Variants in DAB1 observed in about 807,000 individuals in gnomAD.
The protein encoded by DAB1 is disabled homolog 1.
A neutral mutation model predicts 64.6 loss-of-function variants in DAB1; 15 were observed. The ratio of observed to expected loss-of-function variants is 0.23; its 90% confidence interval spans 0.16 to 0.36. The LOEUF (loss-of-function observed/expected upper bound fraction) is 0.36, where lower values mean the gene tolerates loss of function less well. Ranked by LOEUF, DAB1 falls within the 10% of genes least tolerant of loss-of-function variation. The probability of loss-of-function intolerance (pLI) is 1.00; values close to 1 mark genes in which losing one functional copy is unlikely to be tolerated. For missense variants in DAB1, 596 were observed against 706.7 expected (o/e 0.84, Z 1.78); for synonymous variants, 235 against 251.9 (o/e 0.93, Z 0.64).
rs1553157877 is a variant in DAB1, at chr1:58,074,543, TAC to T, written n.387+75966_387+75967del. ...ATATACATATATATATATATATATA[TAC>T]ACACATATATATATGTGTGTATATA... On this transcript the variant is annotated intron_variant and non_coding_transcript_variant, in intron 5 of 20. Coordinates refer to the DAB1 transcript ENST00000485760. The T allele has an allele frequency of 6.9e-4, 66 of 95,874 alleles. No individual in the cohort carries two copies. The East Asian group carries it at 0.01, about 15-fold the overall frequency. 5.9% of individuals were successfully genotyped at this position (95,874 alleles called of 1,614,324 possible).
rs765477430 is a variant in DAB1, at chr1:57,291,007, T to C, written c.24A>G (p.Gln8=). MSTETEL[Q]VAVKTSAKKD... ...TCTTGGCGCTGGTTTTCACAGCTAC[T>C]TGAAGTTCTGTCTCAGTTGACATCC... is the stretch of plus-strand genomic sequence containing the variant. Residue 8 remains glutamine, a synonymous_variant, in exon 2 of 15, where the codon CAA becomes CAG. Coordinates refer to ENST00000371236, the MANE Select transcript of DAB1 (RefSeq NM_001365792.1). The C allele has an allele frequency of 1.2e-6, 2 of 1,612,320 alleles. No homozygotes were observed. Among genetic ancestry groups the C allele is most frequent in the African/African-American group, 1.3e-5 (1 of 74,958 alleles).
At chr1:57,778,271 C>A (rs968458272) in intron 6 of DAB1, among the ~76,000 whole-genome samples, 2 of 151,876 alleles carry the variant, frequency 1.3e-5, no homozygotes, top group African/African-American at 4.8e-5. Flanking sequence ...TGTCTGTACA[C>A]CAATTTCTTC....
At chr1:57,345,258 G>A (rs945164992) in intron 1 of DAB1, among the ~76,000 whole-genome samples, 8 of 152,276 alleles carry the variant, frequency 5.3e-5, no homozygotes, top group Middle Eastern at 6.8e-3. Flanking sequence ...GTGAGCCTGC[G>A]CTGATTGTGT....
chr1:57,693,736 G>A (rs932146953), intron 6 of DAB1, among the ~76,000 whole-genome samples: 8 of 152,084 alleles, frequency 5.3e-5, no homozygotes, highest in Non-Finnish European at 1.0e-4. Context: ...TGAAGTCAGC[G>A]AGACCACAAA....
chr1:57,897,159 C>T (rs1281499676), intron 5 of DAB1, among the ~76,000 whole-genome samples: 1 of 152,154 alleles, frequency 6.6e-6, no homozygotes, highest in African/African-American at 2.4e-5. Context: ...GCAGAGCACA[C>T]CGGCAGATCC....
chr1:58,394,878 T>C (rs1238672691), intron 3 of DAB1, among the ~76,000 whole-genome samples: 1 of 152,078 alleles, frequency 6.6e-6, no homozygotes, highest in Non-Finnish European at 1.5e-5. Flanking sequence ...GTATATAAAA[T>C]TGGTGAATTT....
At chr1:57,673,508 T>C (rs936198653) in intron 6 of DAB1, among the ~76,000 whole-genome samples, 1 of 152,074 alleles carries the variant, frequency 6.6e-6, no homozygotes, top group African/African-American at 2.4e-5. Context: ...GGAATCCAGG[T>C]GGTCACATTC....
rs181949312 is a variant in DAB1 at position 57,497,738 on chromosome 1, C to T, written n.625+151854G>A. On this transcript the variant is annotated intron_variant and non_coding_transcript_variant, in intron 7 of 20. Coordinates refer to the DAB1 transcript ENST00000485760. ...TCAAGAAGGGGTAATGGCAGAGGGC[C>T]GGTTTCATATGGATGGAGGAATAGA... Among the ~76,000 whole-genome samples the T allele has an allele frequency of 1.8e-4, 27 of 152,164 alleles. No individual in the cohort carries two copies. The East Asian group carries it at 5.2e-3, about 29-fold the overall frequency.
chr1:58,143,353 C>T (rs1014524200), intron 5 of DAB1, among the ~76,000 whole-genome samples: 1 of 152,132 alleles, frequency 6.6e-6, no homozygotes, highest in African/African-American at 2.4e-5. Flanking sequence ...GCCAGCTAGC[C>T]ACCCCACCAG....
intron 2 of DAB1, among the ~76,000 whole-genome samples, chr1:57,193,510 C>T (rs1328641584): frequency 1.3e-5 from 2 of 150,612 alleles, no homozygotes; most frequent in Non-Finnish European, 3.0e-5. Context: ...CCTCAGCCTC[C>T]CGAGTAGCTG....
chr1:58,017,802 C>T (rs1570233111), intron 5 of DAB1, among the ~76,000 whole-genome samples: 2 of 152,254 alleles, frequency 1.3e-5, no homozygotes, highest in Middle Eastern at 6.8e-3. Flanking sequence ...GACAAGCTCC[C>T]AACTGGAGGC....
intron 4 of DAB1, among the ~76,000 whole-genome samples, chr1:58,236,015 T>A (rs907626041): frequency 1.3e-5 from 2 of 152,184 alleles, no homozygotes; most frequent in African/African-American, 4.8e-5. Flanking sequence ...TAGAGCTAAT[T>A]GACCACCTGT....
chr1:58,334,475 C>T (rs1399813521), intron 4 of DAB1, among the ~76,000 whole-genome samples: 1 of 151,734 alleles, frequency 6.6e-6, no homozygotes, highest in Non-Finnish European at 1.5e-5. Context: ...AACTCGTTTT[C>T]TCATTTCTTA....
chr1:57,842,129 T>C lies in DAB1; in HGVS notation n.88-15674A>G, dbSNP rs570183213. Among the ~76,000 whole-genome samples the C allele has an allele frequency of 4.6e-5, 7 of 152,254 alleles. No individual in the cohort carries two copies. In the South Asian group the frequency reaches 1.2e-3, roughly 27 times the overall value. The stretch of plus-strand genomic sequence containing the variant: ...TTCTTCCACCAGATACCCTAAATCA[T>C]CTCTCTCAAGTTCAAAGTTCCATAG... On this transcript the variant is annotated intron_variant and non_coding_transcript_variant, in intron 1 of 1. Coordinates refer to the DAB1 transcript ENST00000477280.
intron 4 of DAB1, among the ~76,000 whole-genome samples, chr1:58,226,801 G>C (rs1318477130): frequency 1.3e-5 from 2 of 152,162 alleles, no homozygotes; most frequent in African/African-American, 2.4e-5. Flanking sequence ...TCTAAGCACA[G>C]AGCGATAGGT....
chr1:57,811,976 A>G lies in DAB1; in HGVS notation n.551+72023T>C, dbSNP rs78197050. Among the ~76,000 whole-genome samples the G allele has an allele frequency of 5.6e-4, 86 of 152,302 alleles. No individual in the cohort carries two copies. In the East Asian group the frequency reaches 0.015, roughly 27 times the overall value. On this transcript the variant is annotated intron_variant and non_coding_transcript_variant, in intron 6 of 20. Coordinates refer to the DAB1 transcript ENST00000485760. The stretch of plus-strand genomic sequence containing the variant: ...ACCAAAGGACTTCAGGCAGAAGAAC[A>G]TTTTTAAAGAGTCTTGTGTCAACAT...
At chr1:57,824,369 T>C (rs1019252607), downstream of DAB1, among the ~76,000 whole-genome samples, 1 of 152,164 alleles carries the variant, frequency 6.6e-6, no homozygotes, top group African/African-American at 2.4e-5. Context: ...AGACGTACTA[T>C]ATTTTGTTCT....
chr1:57,465,240 C>T (rs1009819966), intron 7 of DAB1, among the ~76,000 whole-genome samples: 2 of 152,186 alleles, frequency 1.3e-5, no homozygotes, highest in African/African-American at 4.8e-5. Flanking sequence ...ATGGGTTACA[C>T]TTCTGCAAAC....
At chr1:57,663,340 G>C (rs1438032812) in intron 6 of DAB1, among the ~76,000 whole-genome samples, 1 of 152,150 alleles carries the variant, frequency 6.6e-6, no homozygotes. Flanking sequence ...ACAATTTGAC[G>C]TGAGATTTTG....
Sources: allele counts gnomAD v4.1 joint callset (sites outside exome capture counted in the v4.1 genomes callset), GRCh38; gene constraint gnomAD v4.1.1; transcripts MANE v1.5; gene names NCBI Gene and HGNC (gene_info 2026-07-23, HGNC 2026-07-21).